RACGAP1: variants seen among roughly 807,000 people sequenced by gnomAD.
RACGAP1 encodes rac GTPase-activating protein 1.
A neutral mutation model predicts 78.1 loss-of-function variants in RACGAP1; 30 were observed. That is an observed-to-expected ratio of 0.38 (90% CI 0.29 to 0.52). The LOEUF (loss-of-function observed/expected upper bound fraction) is 0.52, where lower values mean the gene tolerates loss of function less well. RACGAP1 is among the 20% of genes least tolerant of loss of function. The pLI, the probability that RACGAP1 is intolerant of heterozygous loss-of-function variation, is 0.82. For missense variants in RACGAP1, 587 were observed against 777.1 expected (o/e 0.76, Z 2.91); for synonymous variants, 231 against 264.8 (o/e 0.87, Z 1.24).
chr12:49,997,272 C>CTT (rs540814831), intron 9 of RACGAP1, 68 bp from the exon 10 acceptor site: 5,227 of 1,143,046 alleles, frequency 4.6e-3, no homozygotes, highest in South Asian at 0.01. Context: ...AATCAACTAA[C>CTT]TTTTTTTTTT....
chr12:50,032,702 C>T (rs1950346424), intron 1 of RACGAP1, among the ~76,000 whole-genome samples: 1 of 152,202 alleles, frequency 6.6e-6, no homozygotes, highest in Non-Finnish European at 1.5e-5. Flanking sequence ...TGCCAGAAAG[C>T]TTGGGTTCGA....
At chr12:50,030,407 A>G (rs12311010), upstream of RACGAP1, among the ~76,000 whole-genome samples, 24,400 of 151,064 alleles carry the variant, frequency 0.16, 3,231 homozygotes, top group African/African-American at 0.36. Flanking sequence ...GTACAGTCTG[A>G]GAGCACGTGG....
intron 1 of RACGAP1, among the ~76,000 whole-genome samples, chr12:50,022,557 G>T (rs661823): frequency 0.73 from 111,481 of 151,960 alleles, 47,203 homozygotes; most frequent in Non-Finnish European, 0.93. Flanking sequence ...ACTCCAGCCC[G>T]GGCAACAAGA....
chr12:50,013,845 T>G (rs1448166757), intron 2 of RACGAP1, among the ~76,000 whole-genome samples: 1 of 152,228 alleles, frequency 6.6e-6, no homozygotes, highest in Non-Finnish European at 1.5e-5. Flanking sequence ...GAAGCCCTGA[T>G]AGGTTCTCAC....
chr12:49,996,644 AAAAAAAAAAAAAAAAAAAAAAAAAT>A (rs1434590479), intron 10 of RACGAP1, among the ~76,000 whole-genome samples: 12 of 137,506 alleles, frequency 8.7e-5, no homozygotes, highest in African/African-American at 3.1e-4. Context: ...AAAAAAAAAA[AAAAAAAAAAAAAAAAAAAAAAAAAT>A]GGACACAAGT....
chr12:50,021,793 T>G (rs1324955807), intron 1 of RACGAP1, among the ~76,000 whole-genome samples: 1 of 152,214 alleles, frequency 6.6e-6, no homozygotes, highest in Non-Finnish European at 1.5e-5. Context: ...ATAGATTCCC[T>G]GCTGTCAAGG....
Position 49,990,182 on chromosome 12 carries a change from A to G in RACGAP1, c.*86T>C. 1.8e-6 allele frequency: 2 copies of G among 1,111,104 alleles called. No individual in the cohort carries two copies. Among genetic ancestry groups the G allele is most frequent in the Non-Finnish European group, 2.7e-6 (2 of 749,114 alleles). 68.8% of individuals were successfully genotyped at this position (1,111,104 alleles called of 1,614,324 possible). The stretch of plus-strand genomic sequence containing the variant: ...AGCCTGGAGAATGCTAAAAGTAGTA[A>G]TGAGTACAGGAGGCTGCAGAGCAGA... On this transcript the variant is annotated 3_prime_UTR_variant, in exon 17 of 17. Transcript: ENST00000312377.
chr12:50,022,708 T>TA (rs1208701111), intron 1 of RACGAP1, among the ~76,000 whole-genome samples: 1 of 152,274 alleles, frequency 6.6e-6, no homozygotes, highest in African/African-American at 2.4e-5. Context: ...TTCATGGTGT[T>TA]ACAATCATAC....
intron 1 of RACGAP1, chr12:50,021,296 C>G (rs560902316): frequency 2.2e-5 from 4 of 182,430 alleles, no homozygotes; most frequent in African/African-American, 9.5e-5. Context: ...TGAAACGATC[C>G]CTGCGTGCAG....
At chr12:50,017,319 T>C (rs1949735466) in intron 1 of RACGAP1, among the ~76,000 whole-genome samples, 1 of 152,212 alleles carries the variant, frequency 6.6e-6, no homozygotes, top group African/African-American at 2.4e-5. Context: ...GTGCAGGAAC[T>C]ACGTCTAATA....
chr12:50,000,468 T>A (rs1047098480), intron 7 of RACGAP1, among the ~76,000 whole-genome samples: 1 of 152,010 alleles, frequency 6.6e-6, no homozygotes, highest in Non-Finnish European at 1.5e-5. Context: ...AACATTCTTA[T>A]GTTGAAATCT....
chr12:49,995,349 A>AAAAAC (rs148130509), intron 10 of RACGAP1, among the ~76,000 whole-genome samples: 8,806 of 151,234 alleles, frequency 0.058, 455 homozygotes, highest in African/African-American at 0.14. Context: ...ACTCCCTCTC[A>AAAAAC]AAAACAAAAC....
At chr12:50,023,790 G>A (rs564156660) in intron 1 of RACGAP1, among the ~76,000 whole-genome samples, 4 of 152,206 alleles carry the variant, frequency 2.6e-5, no homozygotes, top group South Asian at 4.2e-4. Flanking sequence ...ATGGAAAACA[G>A]TATGGAGACT....
chr12:49,995,948 C>T (rs1948233587), intron 10 of RACGAP1, among the ~76,000 whole-genome samples: 1 of 152,122 alleles, frequency 6.6e-6, no homozygotes, highest in East Asian at 1.9e-4. Flanking sequence ...TATATGATAG[C>T]TGAGATTTGC....
intron 10 of RACGAP1, among the ~76,000 whole-genome samples, chr12:49,995,875 C>A (rs1948228943): frequency 6.6e-6 from 1 of 152,046 alleles, no homozygotes; most frequent in South Asian, 2.1e-4. Flanking sequence ...ATTTTGATAA[C>A]CTATTATGAA....
At chr12:50,027,590 AG>A (rs1950291596), upstream of RACGAP1, among the ~76,000 whole-genome samples, 6 of 152,080 alleles carry the variant, frequency 3.9e-5, no homozygotes, top group Admixed American at 2.6e-4. Flanking sequence ...CACTTTGGGA[AG>A]CCGAGGCGGG....
rs181718461 is a variant in RACGAP1 at position 50,011,928 on chromosome 12, T to C, written c.85+4703A>G. ...GAGATCGTGCCACTGTACTCCAGCC[T>C]GGGCGACAGAGCGAGACTCCGTCTC... On this transcript the variant is annotated intron_variant, in intron 2 of 16. Transcript: ENST00000312377. 6.2e-3 allele frequency among the ~76,000 whole-genome samples: 760 copies of C among 123,526 alleles called. 24 individuals carry two copies. In the Admixed American group the frequency reaches 0.067, roughly 11 times the overall value. The allele number at this position is 123,526 out of a possible 152,430, so 81.0% of individuals were successfully genotyped here. A position where few individuals can be genotyped will look rare whatever the true frequency, so the allele number is the denominator to read the frequency against.
At chr12:50,031,478 C>CA (rs56229939) in intron 2 of RACGAP1, among the ~76,000 whole-genome samples, 57,631 of 71,586 alleles carry the variant, frequency 0.81, 24,433 homozygotes, top group East Asian at 0.96. Context: ...GACTCCATCT[C>CA]AAAAAAAAAA....
upstream of RACGAP1, among the ~76,000 whole-genome samples, chr12:50,026,320 A>G (rs1950264939): frequency 1.3e-5 from 2 of 152,074 alleles, no homozygotes; most frequent in Non-Finnish European, 2.9e-5. Context: ...TAAAGGAAAG[A>G]TCACTTACTG....
Sources: gnomAD v4.1 joint callset for allele counts (sites outside exome capture counted in the v4.1 genomes callset) on GRCh38, gnomAD v4.1.1 for gene constraint, MANE v1.5 for transcripts, NCBI Gene and HGNC (gene_info 2026-07-23, HGNC 2026-07-21) for gene names.